The following GRM6 variants were observed in gnomAD, a reference collection of about 807,000 sequenced individuals.
The protein encoded by GRM6 is metabotropic glutamate receptor 6.
In GRM6, 73 loss-of-function variants were observed where a neutral mutation model predicts 78.4. The observed-to-expected ratio is 0.93, with a 90% CI of 0.77 to 1.13. The LOEUF (loss-of-function observed/expected upper bound fraction) is 1.13. GRM6 is among the 50% of genes most tolerant of loss of function. GRM6 has a pLI of 0.00. For synonymous variants in GRM6, 580 were observed against 555.0 expected (o/e 1.05, Z -0.63); for missense variants, 1,251 against 1,256.4 (o/e 1.00, Z 0.07).
Position 178,991,333 on chromosome 5 carries a change from A to G in GRM6, c.857+91T>C. ...TGCGGGGAGCAGGGGAAAGGGAGGC[A>G]GGGAGAGTGTGTAAGGTGGCGATGT... On this transcript the variant is annotated intron_variant, in intron 4 of 10. Transcript: ENST00000517717. The surrounding 1 kb of genome is among the most constrained non-coding windows in gnomAD (Gnocchi z 5.0). The G allele has an allele frequency of 8.2e-7, 1 of 1,221,002 alleles. No homozygotes were observed. The allele number at this position is 1,221,002 out of a possible 1,614,324, so 75.6% of individuals were successfully genotyped here.
rs1022287348 is a variant in GRM6 at position 178,988,556 on chromosome 5, C to T, written c.1354+379G>A. On this transcript the variant is annotated intron_variant, in intron 7 of 10. Coordinates refer to ENST00000517717, the MANE Select transcript of GRM6 (RefSeq NM_000843.4). This position sits in a 1 kb window ranked among gnomAD's most constrained non-coding sequence, Gnocchi z 6.0. ...CTGGCGCATGACTCAGAGTGGGCGGCATGTCCCTGGGTAGGCGCCCCACGC... is the reference window on the plus strand; with the variant it reads ...CTGGCGCATGACTCAGAGTGGGCGGTATGTCCCTGGGTAGGCGCCCCACGC... Among the ~76,000 whole-genome samples the T allele has an allele frequency of 1.3e-5, 2 of 152,172 alleles. No individual in the cohort carries two copies. The highest frequency in any genetic ancestry group is 2.9e-5 in the Non-Finnish European group (2 of 68,030).
Position 178,988,157 on chromosome 5 carries a change from G to T in GRM6, c.1354+778C>A, listed in dbSNP as rs747967165. ...TTTATCACAATTAAAAATGAAAAAAGTTTCACTGTCCAGGCGAGAGGATGA... is the reference window on the plus strand; with the variant it reads ...TTTATCACAATTAAAAATGAAAAAATTTTCACTGTCCAGGCGAGAGGATGA... On this transcript the variant is annotated intron_variant, in intron 7 of 10. Coordinates refer to ENST00000517717, the MANE Select transcript of GRM6 (RefSeq NM_000843.4). This position sits in a 1 kb window ranked among gnomAD's most constrained non-coding sequence, Gnocchi z 6.0. Among the ~76,000 whole-genome samples the T allele has an allele frequency of 4.6e-5, 7 of 152,126 alleles. No homozygotes were observed. The South Asian group carries it at 1.5e-3, about 32-fold the overall frequency.
chr5:178,985,830 T>C (rs112497995), intron 9 of GRM6: 59 of 535,378 alleles, frequency 1.1e-4, no homozygotes, highest in South Asian at 1.0e-3. Flanking sequence ...GGTGCGATCT[T>C]GGCTCACAGC....
intron 2 of GRM6, among the ~76,000 whole-genome samples, chr5:178,993,237 G>A (rs1014794325): frequency 6.6e-6 from 1 of 152,242 alleles, no homozygotes; most frequent in East Asian, 1.9e-4. Flanking sequence ...GGCAGCAGCG[G>A]GCCCTGGGCT....
At chr5:178,985,417 A>AC (rs1386458255) in intron 9 of GRM6, 43 of 362,542 alleles carry the variant, frequency 1.2e-4, no homozygotes, top group Non-Finnish European at 1.8e-4. Context: ...AAAAAAAAAA[A>AC]AACTCACTGG....
chr5:178,984,182 A>G (rs190429776), intron 9 of GRM6, among the ~76,000 whole-genome samples: 4,205 of 152,072 alleles, frequency 0.028, 85 homozygotes, highest in South Asian at 0.074. Flanking sequence ...CCAGGTGGAA[A>G]AAAAAAAAGT....
chr5:178,994,658 A>G lies in GRM6; in HGVS notation c.287T>C (p.Leu96Pro), dbSNP rs2113347914. 3 of 1,467,268 alleles carry G rather than the reference A, an allele frequency of 2.0e-6. No individual in the cohort carries two copies. Among genetic ancestry groups the G allele is most frequent in the South Asian group, 1.3e-5 (1 of 78,220 alleles). 90.9% of individuals were successfully genotyped at this position (1,467,268 alleles called of 1,614,324 possible). A position where few individuals can be genotyped will look rare whatever the true frequency, so the allele number is the denominator to read the frequency against. ...LPGVRLGARL[L>P]DTCSRDTYAL... ...GTAGGTGTCCCGCGAGCAGGTGTCC[A>G]GCAGCCGCGCGCCCAGGCGCACGCC... is the stretch of plus-strand genomic sequence containing the variant. The change falls in exon 2 of 11, where the codon CTG becomes CCG. Residue 96 changes from leucine to proline, a missense_variant. Physicochemically the swap from Leu to Pro is moderately conservative, Grantham distance 98. Transcript: ENST00000517717.
chr5:178,989,387 A>T lies in GRM6; in HGVS notation c.1031T>A (p.Met344Lys). Reference sequence around the variant, plus strand: ...GCGGTTGTTCTCCAGGGATCGAGTCATGAAGTACTGGTCAAATCCTACAGA... The same window carrying T: ...GCGGTTGTTCTCCAGGGATCGAGTCTTGAAGTACTGGTCAAATCCTACAGA... ...ASIDGFDQYF[M>K]TRSLENNRRN... Residue 344 changes from methionine to lysine, a missense_variant, in exon 6 of 11, where the codon ATG (methionine) becomes AAG (lysine). Transcript: ENST00000517717. 6.2e-7 allele frequency: 1 copy of T among 1,614,138 alleles called. No homozygotes were observed. Among genetic ancestry groups the T allele is most frequent in the Non-Finnish European group, 8.5e-7 (1 of 1,179,994 alleles).
rs1760605131 is a variant in GRM6, at chr5:178,988,240, G to A, written c.1354+695C>T. Among the ~76,000 whole-genome samples, 1 of 152,188 alleles carries A rather than the reference G, an allele frequency of 6.6e-6. No individual in the cohort carries two copies. Among genetic ancestry groups the A allele is most frequent in the African/African-American group, 2.4e-5 (1 of 41,448 alleles). Reference sequence around the variant, plus strand: ...ATGAAATTGGAATGACTTGAACAATGAGCTCTATTTTTCTTACAAGCTTGT... The same window carrying A: ...ATGAAATTGGAATGACTTGAACAATAAGCTCTATTTTTCTTACAAGCTTGT... On this transcript the variant is annotated intron_variant, in intron 7 of 10. Coordinates refer to ENST00000517717, the MANE Select transcript of GRM6 (RefSeq NM_000843.4). The surrounding 1 kb of genome is among the most constrained non-coding windows in gnomAD (Gnocchi z 6.0).
In GRM6 at chr5:178,986,899, C is replaced by T. The variant is rs550071749; in HGVS notation, c.1439G>A (p.Gly480Asp). The T allele has an allele frequency of 1.2e-6, 2 of 1,614,190 alleles. No individual in the cohort carries two copies. The highest frequency in any genetic ancestry group is 1.3e-5 in the African/African-American group (1 of 75,072). ...CTGGTACCCGCCACTGCTGGCACTGCCATTGGTCGCCTGGTACTGGAAGAT... is the reference window on the plus strand; with the variant it reads ...CTGGTACCCGCCACTGCTGGCACTGTCATTGGTCGCCTGGTACTGGAAGAT... ...YDIFQYQATN[G>D]SASSGGYQAV... The change falls in exon 8 of 11, where the codon GGC becomes GAC. Residue 480 changes from glycine to aspartate, a missense_variant. Gly to Asp is a moderately conservative substitution (Grantham distance 94). Transcript: ENST00000517717.
At position 178,984,736 on chromosome 5, in the gene GRM6, C is replaced by T. The variant is rs185930856; in HGVS notation, c.2124+1394G>A. Among the ~76,000 whole-genome samples the T allele has an allele frequency of 2.6e-5, 4 of 152,272 alleles. No homozygotes were observed. In the East Asian group the frequency reaches 7.7e-4, roughly 29 times the overall value. ...GTTACGTGGAGGAAGACGGGAGCAC[C>T]TCCTAGTCACGGAGAACTGCATGAC... On this transcript the variant is annotated intron_variant, in intron 9 of 10. Transcript: ENST00000517717.
chr5:178,982,772 T>A (rs1373225518), intron 10 of GRM6, 138 bp downstream of exon 10: 1 of 673,840 alleles, frequency 1.5e-6, no homozygotes, highest in Middle Eastern at 3.9e-4. Flanking sequence ...ATGAACAAAG[T>A]AAGAAGGGAA....
Position 178,983,023 on chromosome 5 carries a change from C to G in GRM6, c.2323G>C (p.Val775Leu). ...CTVYAIKARG[V>L]PETFNEAKPI... ...TTGGCCTCGTTGAAGGTCTCGGGCA[C>G]GCCACGGGCCTTGATGGCGTACACT... The change falls in exon 10 of 11, where the codon GTG becomes CTG. Residue 775 changes from valine (V) to leucine (L), a missense_variant. Transcript: ENST00000517717. 1 of 1,614,114 alleles carries G rather than the reference C, an allele frequency of 6.2e-7. No homozygotes were observed. The highest frequency in any genetic ancestry group is 8.5e-7 in the Non-Finnish European group (1 of 1,179,978).
intron 7 of GRM6, chr5:178,987,422 C>T: frequency 2.2e-6 from 1 of 458,886 alleles, no homozygotes. Flanking sequence ...CGTCCACTGA[C>T]AGAAGAATGG....
At position 178,989,077 on chromosome 5, in the gene GRM6, C is replaced by G; in HGVS notation, c.1212G>C (p.Val404=). Residue 404 remains valine, a synonymous_variant, in exon 7 of 11, where the codon GTG becomes GTC. Coordinates refer to ENST00000517717, the MANE Select transcript of GRM6 (RefSeq NM_000843.4). The part of the protein sequence containing the change: ...TYEQEGKVQF[V]IDAVYAIAHA... ...GGGCAATGGCGTACACCGCATCAAT[C>G]ACAAACTGCACCTTGCCCTCCTGCT... 1 of 1,614,094 alleles carries G rather than the reference C, an allele frequency of 6.2e-7. No individual in the cohort carries two copies. The highest frequency in any genetic ancestry group is 8.5e-7 in the Non-Finnish European group (1 of 1,179,976).
In GRM6 at chr5:178,986,711, A is replaced by G. The variant is rs1293181189; in HGVS notation, c.1543T>C (p.Ser515Pro). Residue 515 changes from serine to proline, a missense_variant, in exon 9 of 11, where the codon TCG becomes CCG. Ser to Pro is a moderately conservative substitution (Grantham distance 74). Transcript: ENST00000517717. The part of the protein sequence containing the change: ...QWSGDPHEVP[S>P]SLCSLPCGPG... ...CCGCAGGGCAGGCTGCACAGAGACG[A>G]GGGCACCTCGTGGGGGTCGCCAGAC... is the stretch of plus-strand genomic sequence containing the variant. The G allele has an allele frequency of 6.2e-7, 1 of 1,604,902 alleles. No homozygotes were observed. Among genetic ancestry groups the G allele is most frequent in the African/African-American group, 1.3e-5 (1 of 74,912 alleles).
At position 178,988,998 on chromosome 5, in the gene GRM6, G is replaced by T; in HGVS notation, c.1291C>A (p.Pro431Thr). The T allele has an allele frequency of 6.2e-7, 1 of 1,614,068 alleles. No individual in the cohort carries two copies. The highest frequency in any genetic ancestry group is 1.3e-5 in the African/African-American group (1 of 75,050). The change falls in exon 7 of 11, where the codon CCG (proline) becomes ACG (threonine). Residue 431 changes from proline (P) to threonine (T), a missense_variant. Transcript: ENST00000517717. The surrounding 1 kb of genome is among the most constrained non-coding windows in gnomAD (Gnocchi z 6.0). ...CGCCCATCAGTGGGTTCCATCGCCG[G>T]GCACAGGCCTGTGTGCCCAGGGCAG... ...ALCPGHTGLC[P>T]AMEPTDGRML...
rs1419885522 is a variant in GRM6 at position 178,994,693 on chromosome 5, C to G, written c.252G>C (p.Glu84Asp). The change falls in exon 2 of 11, where the codon GAG (glutamate) becomes GAC (aspartate). Residue 84 changes from glutamate (E) to aspartate (D), a missense_variant. Coordinates refer to ENST00000517717, the MANE Select transcript of GRM6 (RefSeq NM_000843.4). Reference sequence around the variant, plus strand: ...CGCCCAGGCGCACGCCGGGCAGCAGCTCGGGGTCGGCGTTGACGCGGTCCA... The same window carrying G: ...CGCCCAGGCGCACGCCGGGCAGCAGGTCGGGGTCGGCGTTGACGCGGTCCA... ...YALDRVNADPELLPGVRLGAR... is the reference protein window; with the variant it reads ...YALDRVNADPDLLPGVRLGAR... The G allele has an allele frequency of 6.8e-7, 1 of 1,469,584 alleles. No homozygotes were observed. The highest frequency in any genetic ancestry group is 1.5e-5 in the African/African-American group (1 of 68,114). 91.0% of individuals were successfully genotyped at this position (1,469,584 alleles called of 1,614,324 possible).
In GRM6 at chr5:178,986,199, C is replaced by G. The variant is rs536003655; in HGVS notation, c.2055G>C (p.Ser685=). 2 of 1,614,042 alleles carry G rather than the reference C, an allele frequency of 1.2e-6. No homozygotes were observed. Among genetic ancestry groups the G allele is most frequent in the Non-Finnish European group, 1.7e-6 (2 of 1,179,970 alleles). The stretch of plus-strand genomic sequence containing the variant: ...GGCTGATGAAGGGAGGGGGTGTGAC[C>G]GAGCGCTTGCCCTGCTCAAAGATGC... The part of the protein sequence containing the change: ...IYRIFEQGKR[S]VTPPPFISPT... The change falls in exon 9 of 11, where the codon TCG becomes TCC. Residue 685 remains serine (S), a synonymous_variant. Coordinates refer to ENST00000517717, the MANE Select transcript of GRM6 (RefSeq NM_000843.4).
Sources: gnomAD v4.1 joint callset for allele counts (sites outside exome capture counted in the v4.1 genomes callset) on GRCh38, gnomAD v4.1.1 for gene constraint, Gnocchi (gnomAD v3.1) non-coding constraint, MANE v1.5 for transcripts, NCBI Gene and HGNC (gene_info 2026-07-23, HGNC 2026-07-21) for gene names.